DNAAF4: variants seen among roughly 807,000 people sequenced by gnomAD.
DNAAF4 encodes dynein axonemal assembly factor 4.
In DNAAF4, 43 loss-of-function variants were observed where a neutral mutation model predicts 51.8. That is an observed-to-expected ratio of 0.83 (90% CI 0.65 to 1.07). The LOEUF (loss-of-function observed/expected upper bound fraction) is 1.07. Ranked by LOEUF, DNAAF4 falls within the 50% of genes least tolerant of loss-of-function variation. The pLI is 0.00. For missense variants in DNAAF4, 581 were observed against 493.0 expected (o/e 1.18, Z -1.69); for synonymous variants, 194 against 165.6 (o/e 1.17, Z -1.32).
At chr15:55,453,927 T>C (rs976498844) in intron 5 of DNAAF4, among the ~76,000 whole-genome samples, 58 of 152,064 alleles carry the variant, frequency 3.8e-4, no homozygotes, top group Admixed American at 3.3e-3. Flanking sequence ...ATAAAATTAG[T>C]CATGGTTGAA....
intron 9 of DNAAF4, among the ~76,000 whole-genome samples, chr15:55,432,083 G>A (rs138930831): frequency 0.052 from 7,845 of 152,000 alleles, 303 homozygotes; most frequent in South Asian, 0.097. Context: ...AGCCTCCCAA[G>A]TAGCTGGGAT....
intron 3 of DNAAF4, among the ~76,000 whole-genome samples, chr15:55,495,731 A>G (rs7167550): frequency 1.3e-5 from 2 of 152,066 alleles, no homozygotes; most frequent in East Asian, 3.9e-4. Flanking sequence ...GTGAGATTCT[A>G]TCTCTTAAAA....
At chr15:55,501,036 C>A (rs2058694659) in intron 1 of DNAAF4, among the ~76,000 whole-genome samples, 1 of 149,490 alleles carries the variant, frequency 6.7e-6, no homozygotes, top group Non-Finnish European at 1.5e-5. Flanking sequence ...AAAAAAAATA[C>A]CTGTATGATA....
At chr15:55,449,265 C>T (rs899049610) in intron 6 of DNAAF4, among the ~76,000 whole-genome samples, 1 of 151,116 alleles carries the variant, frequency 6.6e-6, no homozygotes, top group African/African-American at 2.4e-5. Context: ...GCTAGAATTA[C>T]AGGCGTGAGC....
intron 7 of DNAAF4, among the ~76,000 whole-genome samples, chr15:55,436,843 T>A (rs1207941556): frequency 6.6e-6 from 1 of 151,648 alleles, no homozygotes; most frequent in Non-Finnish European, 1.5e-5. Flanking sequence ...TATCTTGAGA[T>A]GGAGTCTCAC....
Position 55,466,973 on chromosome 15 carries a change from C to T in DNAAF4, c.594G>A (p.Lys198=). Residue 198 remains lysine, a synonymous_variant, in exon 5 of 10, where the codon AAG becomes AAA. Coordinates refer to ENST00000321149, the MANE Select transcript of DNAAF4 (RefSeq NM_130810.4). ...TAGATGCCAAATTTCTAGTAAGACT[C>T]TTATATTTTATTTTTTTTCTTTCTT... ...IKEERKKIKY[K]SLTRNLASRN... The T allele has an allele frequency of 6.3e-7, 1 of 1,585,812 alleles. No individual in the cohort carries two copies. Among genetic ancestry groups the T allele is most frequent in the Non-Finnish European group, 8.5e-7 (1 of 1,171,792 alleles).
At chr15:55,433,609 G>C (rs1440909354) in intron 8 of DNAAF4, among the ~76,000 whole-genome samples, 1 of 118,058 alleles carries the variant, frequency 8.5e-6, no homozygotes, top group Non-Finnish European at 1.6e-5. Flanking sequence ...CTGGGCAACA[G>C]AGCAAGACCT....
intron 7 of DNAAF4, among the ~76,000 whole-genome samples, chr15:55,419,288 G>T (rs28570304): frequency 0.01 from 1,571 of 152,128 alleles, 23 homozygotes; most frequent in African/African-American, 0.036. Context: ...GCAGTGGCAT[G>T]ATCATGGTTC....
intron 1 of DNAAF4, among the ~76,000 whole-genome samples, chr15:55,502,747 C>A (rs2058706325): frequency 6.6e-6 from 1 of 152,070 alleles, no homozygotes; most frequent in Non-Finnish European, 1.5e-5. Context: ...CACAACGTAC[C>A]AGAATCTCTG....
intron 4 of DNAAF4, among the ~76,000 whole-genome samples, chr15:55,475,516 T>A (rs2058324362): frequency 6.6e-6 from 1 of 152,174 alleles, no homozygotes. Flanking sequence ...TGCTTGGAAC[T>A]AGAAGTGTTT....
chr15:55,497,595 T>TAA, intron 3 of DNAAF4, 117 bp downstream of exon 3: 77 of 1,062,328 alleles, frequency 7.2e-5, no homozygotes, highest in South Asian at 1.1e-4. Flanking sequence ...GCAAGACTCT[T>TAA]AAAAAAAAAA....
At chr15:55,433,841 T>C (rs1250715599) in intron 8 of DNAAF4, among the ~76,000 whole-genome samples, 1 of 73,578 alleles carries the variant, frequency 1.4e-5, no homozygotes, top group Non-Finnish European at 2.5e-5. Context: ...ACATATATTA[T>C]ATATTATATA....
intron 4 of DNAAF4, among the ~76,000 whole-genome samples, chr15:55,487,347 T>G (rs145073945): frequency 1.8e-4 from 27 of 152,096 alleles, no homozygotes; most frequent in African/African-American, 6.5e-4. Flanking sequence ...CAGTGCTCTG[T>G]GTTTAGCTTA....
At chr15:55,469,681 G>A (rs760667167) in intron 4 of DNAAF4, among the ~76,000 whole-genome samples, 3 of 151,294 alleles carry the variant, frequency 2.0e-5, no homozygotes, top group South Asian at 4.2e-4. Flanking sequence ...TAGTAGAGAC[G>A]GGGTTTCACT....
At position 55,498,245 on chromosome 15, in the gene DNAAF4, T is replaced by G. The variant is rs772566073; in HGVS notation, c.85A>C (p.Arg29=). 1.2e-6 allele frequency: 2 copies of G among 1,613,868 alleles called. No individual in the cohort carries two copies. The highest frequency in any genetic ancestry group is 1.7e-6 in the Non-Finnish European group (2 of 1,179,926). The change falls in exon 2 of 10, where the codon AGA becomes CGA. Residue 29 remains arginine (R), a synonymous_variant. Coordinates refer to ENST00000321149, the MANE Select transcript of DNAAF4 (RefSeq NM_130810.4). ...LSLPLKGVCV[R]DTDVFCTENY... ...TCCGTGCAGAACACGTCCGTGTCTC[T>G]GACGCACACGCCTTTGAGGGGCAGA...
At chr15:55,434,790 T>A in intron 8 of DNAAF4, 115 bp downstream of exon 8, 2 of 914,666 alleles carry the variant, frequency 2.2e-6, no homozygotes, top group Non-Finnish European at 3.1e-6. Context: ...AGAAAGACAA[T>A]CTTTAAAATC....
intron 4 of DNAAF4, among the ~76,000 whole-genome samples, chr15:55,479,221 T>G (rs1332722688): frequency 6.6e-6 from 1 of 151,446 alleles, no homozygotes; most frequent in Non-Finnish European, 1.5e-5. Flanking sequence ...ACAAAACCAC[T>G]TGGGCAACTC....
At chr15:55,489,875 G>GTTTTT (rs869277272) in intron 4 of DNAAF4, among the ~76,000 whole-genome samples, 6 of 137,776 alleles carry the variant, frequency 4.4e-5, no homozygotes, top group Non-Finnish European at 9.5e-5. Flanking sequence ...GAGATAAGAA[G>GTTTTT]TTTTTTTTTT....
At chr15:55,491,328 T>A (rs1000737016) in intron 3 of DNAAF4, 72 bp from the exon 4 acceptor site, 34 of 1,457,118 alleles carry the variant, frequency 2.3e-5, no homozygotes, top group Admixed American at 4.2e-5. Context: ...ACTACTTAAA[T>A]AAACTGACCC....
Sources: allele counts gnomAD v4.1 joint callset (sites outside exome capture counted in the v4.1 genomes callset), GRCh38; gene constraint gnomAD v4.1.1; transcripts MANE v1.5; gene names NCBI Gene and HGNC (gene_info 2026-07-23, HGNC 2026-07-21).